TRPM3: variants seen among roughly 807,000 people sequenced by gnomAD.
TRPM3 encodes long transient receptor potential channel 3.
In TRPM3, 77 loss-of-function variants were observed where a neutral mutation model predicts 181.2. The ratio of observed to expected loss-of-function variants is 0.42; its 90% confidence interval spans 0.35 to 0.51. TRPM3 has a LOEUF of 0.51. Among genes scored for constraint, TRPM3 ranks in the 20% least tolerant of loss-of-function variants. The probability of loss-of-function intolerance (pLI) is 0.01; values close to 1 mark genes in which losing one functional copy is unlikely to be tolerated. For missense variants in TRPM3, 1,759 were observed against 2,196.7 expected, an observed-to-expected ratio of 0.80 and a Z score of 3.98; for synonymous variants, 745 against 796.4, an observed-to-expected ratio of 0.94 and a Z score of 1.09.
At chr9:71,378,360 C>T (rs973801272) in intron 1 of TRPM3, among the ~76,000 whole-genome samples, 1 of 152,034 alleles carries the variant, frequency 6.6e-6, no homozygotes, top group Non-Finnish European at 1.5e-5. Context: ...ATGGATACAA[C>T]CACTTTGTAA....
intron 21 of TRPM3, among the ~76,000 whole-genome samples, chr9:70,593,114 C>A (rs1227552270): frequency 6.6e-6 from 1 of 152,166 alleles, no homozygotes; most frequent in African/African-American, 2.4e-5. Flanking sequence ...GGGGTCTAAT[C>A]AATTTTCAAG....
At chr9:70,828,921 A>G (rs1340712733) in intron 5 of TRPM3, among the ~76,000 whole-genome samples, 1 of 152,124 alleles carries the variant, frequency 6.6e-6, no homozygotes, top group Non-Finnish European at 1.5e-5. Context: ...TCCAAAATCT[A>G]TGCTTATTTT....
At chr9:70,879,487 G>A (rs532395408) in intron 1 of TRPM3, among the ~76,000 whole-genome samples, 4 of 151,298 alleles carry the variant, frequency 2.6e-5, no homozygotes, top group South Asian at 2.1e-4. Context: ...TTGTTCTTTC[G>A]CCTGCCCATT....
At chr9:70,867,879 T>C (rs964556788) in intron 1 of TRPM3, among the ~76,000 whole-genome samples, 1 of 152,070 alleles carries the variant, frequency 6.6e-6, no homozygotes, top group African/African-American at 2.4e-5. Flanking sequence ...CCTAAACAAA[T>C]TCCTTTTCTT....
At chr9:70,924,370 T>C (rs2096698157) in intron 1 of TRPM3, among the ~76,000 whole-genome samples, 1 of 152,194 alleles carries the variant, frequency 6.6e-6, no homozygotes, top group African/African-American at 2.4e-5. Context: ...TATTTCTTCA[T>C]ATCATTATTC....
At chr9:70,696,513 G>A (rs1176879985) in intron 8 of TRPM3, among the ~76,000 whole-genome samples, 1 of 152,094 alleles carries the variant, frequency 6.6e-6, no homozygotes, top group Non-Finnish European at 1.5e-5. Context: ...ACTATCATTT[G>A]GTCAGGAACA....
chr9:71,379,564 A>C (rs1480729760), intron 1 of TRPM3, among the ~76,000 whole-genome samples: 1 of 151,994 alleles, frequency 6.6e-6, no homozygotes, highest in Non-Finnish European at 1.5e-5. Context: ...GGTTTTTAAG[A>C]ATACCTAAAA....
At chr9:71,314,888 A>C (rs1396269030) in intron 1 of TRPM3, among the ~76,000 whole-genome samples, 3 of 151,930 alleles carry the variant, frequency 2.0e-5, no homozygotes, top group Non-Finnish European at 4.4e-5. Context: ...ATGGGCATCA[A>C]CGTTCAGAGG....
intron 1 of TRPM3, among the ~76,000 whole-genome samples, chr9:71,191,934 A>C (rs2078055664): frequency 6.6e-6 from 1 of 151,754 alleles, no homozygotes. Flanking sequence ...ATGGGGAGGT[A>C]ACTATGTGCT....
At chr9:70,692,695 C>T (rs915072444) in intron 8 of TRPM3, among the ~76,000 whole-genome samples, 4 of 152,184 alleles carry the variant, frequency 2.6e-5, no homozygotes, top group Non-Finnish European at 5.9e-5. Context: ...TTTAAGCTCT[C>T]GCTTCTTGGA....
At chr9:71,384,860 T>C (rs1189429320) in intron 1 of TRPM3, among the ~76,000 whole-genome samples, 2 of 152,240 alleles carry the variant, frequency 1.3e-5, no homozygotes, top group Non-Finnish European at 2.9e-5. Context: ...AGATTACTTC[T>C]AATGTCATTT....
chr9:71,333,300 G>A lies in TRPM3; in HGVS notation c.183+113353C>T, dbSNP rs571418791. On this transcript the variant is annotated intron_variant, in intron 1 of 24. Transcript: ENST00000357533. The stretch of plus-strand genomic sequence containing the variant: ...CTGTGCTGTGAAAACTCAGCAGTAC[G>A]AAATTGACTTCTCAAATAGCTCCCA... 3.3e-5 allele frequency among the ~76,000 whole-genome samples: 5 copies of A among 152,018 alleles called. No individual in the cohort carries two copies. The South Asian group carries it at 1.0e-3, about 32-fold the overall frequency.
intron 8 of TRPM3, among the ~76,000 whole-genome samples, chr9:70,692,896 A>G (rs1013563156): frequency 1.2e-4 from 19 of 152,234 alleles, no homozygotes; most frequent in African/African-American, 4.1e-4. Context: ...ATGACATATC[A>G]CAGTGAGAAA....
At chr9:71,102,701 T>G (rs1348490347) in intron 1 of TRPM3, among the ~76,000 whole-genome samples, 1 of 152,210 alleles carries the variant, frequency 6.6e-6, no homozygotes, top group African/African-American at 2.4e-5. Flanking sequence ...GCAAAATTAG[T>G]TGTTTCACAC....
chr9:71,367,943 T>TTG (rs35334724), intron 1 of TRPM3, among the ~76,000 whole-genome samples: 35,231 of 150,574 alleles, frequency 0.23, 4,501 homozygotes, highest in South Asian at 0.34. Context: ...TCCTAAGCAT[T>TTG]TGTGTGTGTG....
intron 1 of TRPM3, among the ~76,000 whole-genome samples, chr9:71,026,687 C>G (rs917114070): frequency 3.9e-5 from 6 of 152,290 alleles, no homozygotes; most frequent in Admixed American, 3.3e-4. Flanking sequence ...CACTCCAGTG[C>G]TCTGCCCCTG....
chr9:71,237,569 T>C (rs983990775), intron 1 of TRPM3, among the ~76,000 whole-genome samples: 1 of 152,174 alleles, frequency 6.6e-6, no homozygotes, highest in Admixed American at 6.5e-5. Context: ...CAGGATTTAA[T>C]TTTTTTAAAG....
intron 1 of TRPM3, among the ~76,000 whole-genome samples, chr9:71,017,909 C>T (rs1436691990): frequency 6.6e-6 from 1 of 151,692 alleles, no homozygotes; most frequent in Non-Finnish European, 1.5e-5. Context: ...TAATACTTGC[C>T]AAAATATTTC....
rs189362165 is a variant in TRPM3 at position 70,946,588 on chromosome 9, A to C, written c.178-82077T>G. Reference sequence around the variant, plus strand: ...ATATATACAGCTAGTGGGCAACAGGACTTTTTAAAGCTTTTAAATTTATGT... The same window carrying C: ...ATATATACAGCTAGTGGGCAACAGGCCTTTTTAAAGCTTTTAAATTTATGT... On this transcript the variant is annotated intron_variant, in intron 1 of 25. Transcript: ENST00000677713. Among the ~76,000 whole-genome samples the C allele has an allele frequency of 7.2e-5, 11 of 152,226 alleles. No homozygotes were observed. In the East Asian group the frequency reaches 2.1e-3, roughly 29 times the overall value.
Sources: gnomAD v4.1 joint callset for allele counts (sites outside exome capture counted in the v4.1 genomes callset) on GRCh38, gnomAD v4.1.1 for gene constraint, MANE v1.5 for transcripts, NCBI Gene and HGNC (gene_info 2026-07-23, HGNC 2026-07-21) for gene names.